The following MBD5 variants were observed in gnomAD, a reference collection of about 807,000 sequenced individuals.
MBD5 encodes the protein methyl-CpG binding domain protein 5, also known as methyl-CpG-binding domain protein 5.
MBD5 carries 13 observed loss-of-function variants against 117.3 expected under a neutral mutation model. That is an observed-to-expected ratio of 0.11 (90% CI 0.07 to 0.18). The LOEUF (loss-of-function observed/expected upper bound fraction) is 0.18. Among genes scored for constraint, MBD5 ranks in the 10% least tolerant of loss-of-function variants. The probability of loss-of-function intolerance (pLI) is 1.00; values close to 1 mark genes in which losing one functional copy is unlikely to be tolerated. For synonymous variants in MBD5, 727 were observed against 766.4 expected, an observed-to-expected ratio of 0.95 and a Z score of 0.85; for missense variants, 1,879 against 2,093.8, an observed-to-expected ratio of 0.90 and a Z score of 2.00.
intron 1 of MBD5, among the ~76,000 whole-genome samples, chr2:148,119,908 CTT>C (rs34565714): frequency 5.5e-5 from 8 of 145,000 alleles, no homozygotes; most frequent in Non-Finnish European, 6.0e-5. Context: ...TGTAATTTGC[CTT>C]TTTTTTTTTT....
At chr2:148,089,556 A>T (rs1695882976) in intron 1 of MBD5, among the ~76,000 whole-genome samples, 1 of 152,056 alleles carries the variant, frequency 6.6e-6, no homozygotes, top group Non-Finnish European at 1.5e-5. Context: ...AAAACCATAC[A>T]CATACATGGA....
chr2:148,068,079 C>A (rs1695252202), intron 1 of MBD5, among the ~76,000 whole-genome samples: 1 of 152,192 alleles, frequency 6.6e-6, no homozygotes, highest in African/African-American at 2.4e-5. Context: ...ATTCTGGCAG[C>A]TGTGGCCATT....
intron 3 of MBD5, among the ~76,000 whole-genome samples, chr2:148,247,852 A>T (rs140114846): frequency 2.6e-5 from 4 of 152,168 alleles, no homozygotes; most frequent in Non-Finnish European, 5.9e-5. Context: ...ATAAAATTTA[A>T]ACTTTATGTC....
chr2:148,246,272 C>T (rs866819386), intron 3 of MBD5, among the ~76,000 whole-genome samples: 4 of 152,158 alleles, frequency 2.6e-5, no homozygotes, highest in East Asian at 1.9e-4. Context: ...TTGTATATAT[C>T]GGAATCCAGC....
intron 4 of MBD5, among the ~76,000 whole-genome samples, chr2:148,374,129 T>C (rs1416697102): frequency 2.0e-5 from 3 of 152,002 alleles, no homozygotes; most frequent in Non-Finnish European, 4.4e-5. Flanking sequence ...AATGTTTGAT[T>C]GGGTTGTAGT....
chr2:148,364,944 A>T (rs1323857289), intron 4 of MBD5, among the ~76,000 whole-genome samples: 1 of 152,240 alleles, frequency 6.6e-6, no homozygotes, highest in Non-Finnish European at 1.5e-5. Flanking sequence ...CAGAAAATTA[A>T]CAAGGATATT....
chr2:148,070,250 G>T (rs1695314693), intron 1 of MBD5, among the ~76,000 whole-genome samples: 1 of 152,070 alleles, frequency 6.6e-6, no homozygotes, highest in African/African-American at 2.4e-5. Context: ...ATAACCTCCA[G>T]TTCTATCCAT....
At chr2:148,323,287 A>G (rs1238379929) in intron 3 of MBD5, among the ~76,000 whole-genome samples, 4 of 152,206 alleles carry the variant, frequency 2.6e-5, no homozygotes, top group Admixed American at 6.5e-5. Context: ...GCTATTCTGA[A>G]TAATGCTGCA....
intron 4 of MBD5, among the ~76,000 whole-genome samples, chr2:148,425,157 A>T (rs1705738770): frequency 1.3e-5 from 2 of 152,194 alleles, no homozygotes; most frequent in Non-Finnish European, 2.9e-5. Context: ...AAAGAAGGAC[A>T]GAGAGAAGAA....
chr2:148,318,482 T>C (rs983479911), intron 3 of MBD5, among the ~76,000 whole-genome samples: 69 of 152,262 alleles, frequency 4.5e-4, no homozygotes, highest in African/African-American at 1.6e-3. Flanking sequence ...TATTTGTCTA[T>C]TTTTCTTTTT....
chr2:148,254,490 G>T (rs1700536984), intron 3 of MBD5, among the ~76,000 whole-genome samples: 1 of 152,096 alleles, frequency 6.6e-6, no homozygotes, highest in African/African-American at 2.4e-5. Context: ...ATTGTCAAGG[G>T]GTAGAACCAC....
rs1378178848 is a variant in MBD5 at position 148,516,137 on chromosome 2, C to G, written c.*3196C>G. On this transcript the variant is annotated 3_prime_UTR_variant, in exon 14 of 14. Transcript: ENST00000642680. Reference sequence around the variant, plus strand: ...GAGAAAAGGGCAGTTAGTTATTTCACTTTCTGTAAGTTTTAGGAAGATTCT... The same window carrying G: ...GAGAAAAGGGCAGTTAGTTATTTCAGTTTCTGTAAGTTTTAGGAAGATTCT... The G allele has an allele frequency of 5.3e-5, 8 of 152,284 alleles. No homozygotes were observed. The East Asian group carries it at 1.4e-3, about 26-fold the overall frequency. The allele number at this position is 152,284 out of a possible 1,614,324, so 9.4% of individuals were successfully genotyped here. A position where few individuals can be genotyped will look rare whatever the true frequency, so the allele number is the denominator to read the frequency against.
At chr2:148,269,436 G>A (rs953519172) in intron 3 of MBD5, among the ~76,000 whole-genome samples, 1 of 151,676 alleles carries the variant, frequency 6.6e-6, no homozygotes, top group African/African-American at 2.4e-5. Context: ...AAACTTTTAA[G>A]TCCTTGTATT....
intron 4 of MBD5, among the ~76,000 whole-genome samples, chr2:148,456,033 C>T (rs780885218): frequency 6.6e-6 from 1 of 152,144 alleles, no homozygotes; most frequent in Non-Finnish European, 1.5e-5. Context: ...TTGACCCGTC[C>T]TAACTTCCTC....
chr2:148,286,725 T>A (rs1701377071), intron 3 of MBD5, among the ~76,000 whole-genome samples: 1 of 152,202 alleles, frequency 6.6e-6, no homozygotes, highest in Non-Finnish European at 1.5e-5. Context: ...TTATTATTAT[T>A]GTTGTTATTA....
chr2:148,431,379 A>G (rs893618549), intron 4 of MBD5, among the ~76,000 whole-genome samples: 4 of 152,132 alleles, frequency 2.6e-5, no homozygotes, highest in African/African-American at 9.7e-5. Flanking sequence ...AGAGGTAAGC[A>G]TTCTGTCTGG....
chr2:148,239,686 TACACACACAC>T (rs34980624), intron 3 of MBD5, among the ~76,000 whole-genome samples: 15 of 141,584 alleles, frequency 1.1e-4, no homozygotes, highest in Middle Eastern at 7.4e-3. Context: ...TTTATTTACT[TACACACACAC>T]ACACACACAC....
At chr2:148,055,974 C>A (rs1324217376) in intron 1 of MBD5, 1 of 152,072 alleles carries the variant, frequency 6.6e-6, no homozygotes, top group Non-Finnish European at 1.5e-5. Flanking sequence ...TATAAGAAAT[C>A]TTGTGGGGAT....
intron 1 of MBD5, among the ~76,000 whole-genome samples, chr2:148,134,814 G>A (rs1050483737): frequency 5.9e-5 from 9 of 152,114 alleles, no homozygotes; most frequent in East Asian, 1.9e-4. Flanking sequence ...TAGTTTTAAC[G>A]TATATATTGC....
Sources: allele counts gnomAD v4.1 joint callset (sites outside exome capture counted in the v4.1 genomes callset), GRCh38; gene constraint gnomAD v4.1.1; transcripts MANE v1.5; gene names NCBI Gene and HGNC (gene_info 2026-07-23, HGNC 2026-07-21).